The following RALGAPB variants were observed in gnomAD, a reference collection of about 807,000 sequenced individuals.
The protein encoded by RALGAPB is Ral GTPase activating protein non-catalytic subunit beta, also known as ral GTPase-activating protein subunit beta.
In RALGAPB, 25 loss-of-function variants were observed where a neutral mutation model predicts 161.1. The observed-to-expected ratio is 0.16, with a 90% confidence interval of 0.11 to 0.22. The LOEUF (loss-of-function observed/expected upper bound fraction) is 0.22, where lower values mean the gene tolerates loss of function less well. RALGAPB is among the 10% of genes least tolerant of loss of function. The pLI is 1.00. For missense variants in RALGAPB, 1,391 were observed against 1,815.2 expected (o/e 0.77, Z 4.25); for synonymous variants, 629 against 626.1 (o/e 1.00, Z -0.07).
intron 18 of RALGAPB, among the ~76,000 whole-genome samples, chr20:38,543,946 G>A (rs146177311): frequency 2.0e-5 from 3 of 152,252 alleles, no homozygotes; most frequent in African/African-American, 7.2e-5. Context: ...GCCAGTCTGG[G>A]GAGCACATTT....
intron 28 of RALGAPB, among the ~76,000 whole-genome samples, chr20:38,572,580 A>G (rs924458470): frequency 6.6e-6 from 1 of 152,192 alleles, no homozygotes; most frequent in Non-Finnish European, 1.5e-5. Flanking sequence ...ATATAAGATG[A>G]ATTTATTCTA....
At chr20:38,531,067 A>G in intron 13 of RALGAPB, 100 bp from the exon 14 acceptor site, 1 of 1,097,402 alleles carries the variant, frequency 9.1e-7, no homozygotes, top group Non-Finnish European at 1.3e-6. Flanking sequence ...TGCTCAACCA[A>G]AATTATATTC....
At chr20:38,499,894 A>G (rs527603114) in intron 5 of RALGAPB, 179 of 257,420 alleles carry the variant, frequency 7.0e-4, no homozygotes, top group African/African-American at 3.4e-3. Context: ...TATTTTGATC[A>G]TTAAAATATG....
chr20:38,492,352 A>C (rs2085304350), intron 2 of RALGAPB, among the ~76,000 whole-genome samples: 1 of 152,196 alleles, frequency 6.6e-6, no homozygotes, highest in South Asian at 2.1e-4. Context: ...AGTGCAGCTA[A>C]ATGCCTTGTT....
chr20:38,548,630 G>A, intron 19 of RALGAPB, 59 bp from the exon 20 acceptor site: 1 of 1,359,408 alleles, frequency 7.4e-7, no homozygotes, highest in Non-Finnish European at 1.0e-6. Flanking sequence ...TTGATAACAA[G>A]TTTATTTTAA....
chr20:38,480,942 G>A (rs905838210), intron 1 of RALGAPB, among the ~76,000 whole-genome samples: 9 of 150,916 alleles, frequency 6.0e-5, no homozygotes, highest in East Asian at 5.9e-4. Context: ...GGGTTTCACC[G>A]TGTTAGGATG....
rs1011822187 is a variant in RALGAPB at position 38,472,889 on chromosome 20, C to G, written c.-211C>G. 2.5e-6 allele frequency: 1 copy of G among 398,866 alleles called. No individual in the cohort carries two copies. The highest frequency in any genetic ancestry group is 4.4e-6 in the Non-Finnish European group (1 of 226,002). The allele number at this position is 398,866 out of a possible 1,614,324, so 24.7% of individuals were successfully genotyped here. On this transcript the variant is annotated 5_prime_UTR_variant, in exon 1 of 30. Coordinates refer to ENST00000262879, the MANE Select transcript of RALGAPB (RefSeq NM_020336.4). The stretch of plus-strand genomic sequence containing the variant: ...ATCCCAGCCGGCTGGCTCGAGTGGC[C>G]TTCGTCGTCCCTTGGCGCCCTGGGA...
At chr20:38,501,958 C>T (rs805539) in intron 5 of RALGAPB, among the ~76,000 whole-genome samples, 130,643 of 152,194 alleles carry the variant, frequency 0.86, 56,122 homozygotes, top group East Asian at 0.91. Context: ...CCATAAAATA[C>T]ACACAAATGT....
chr20:38,516,923 G>T (rs766461517), intron 7 of RALGAPB, among the ~76,000 whole-genome samples: 1 of 152,154 alleles, frequency 6.6e-6, no homozygotes, highest in Non-Finnish European at 1.5e-5. Flanking sequence ...AAATATTTAT[G>T]TATACTTATT....
chr20:38,553,807 A>T, intron 21 of RALGAPB, 60 bp from the exon 22 acceptor site: 1 of 819,528 alleles, frequency 1.2e-6, no homozygotes, highest in Non-Finnish European at 1.9e-6. Context: ...AAAAACACTT[A>T]AGATTGGCCT....
chr20:38,535,512 A>G (rs758155224), intron 16 of RALGAPB, among the ~76,000 whole-genome samples: 1 of 151,724 alleles, frequency 6.6e-6, no homozygotes, highest in Non-Finnish European at 1.5e-5. Flanking sequence ...GTAAAAAATG[A>G]TTATCCTAAT....
chr20:38,523,431 C>G (rs1192007547), intron 10 of RALGAPB, among the ~76,000 whole-genome samples: 1 of 152,168 alleles, frequency 6.6e-6, no homozygotes, highest in Non-Finnish European at 1.5e-5. Flanking sequence ...CATGAACTTT[C>G]TGACTGAGCC....
intron 5 of RALGAPB, among the ~76,000 whole-genome samples, chr20:38,501,188 G>GAGAGGAGTCTTCTAGAGTCTT (rs2085583153): frequency 6.6e-6 from 1 of 152,228 alleles, no homozygotes. Flanking sequence ...GACTTCTATA[G>GAGAGGAGTCTTCTAGAGTCTT]CTAGAGAGGA....
chr20:38,567,258 CA>C, intron 26 of RALGAPB, 26 bp downstream of exon 26: 1 of 1,601,396 alleles, frequency 6.2e-7, no homozygotes, highest in Non-Finnish European at 8.5e-7. Context: ...GATAGGTCTC[CA>C]AAATTTTGTA....
rs1313669591 is a variant in RALGAPB at position 38,577,356 on chromosome 20, C to A, written c.*2389C>A. ...GCACCTAATATTAATATTTAGTAGT[C>A]CATTGATAAATTTGCCAGCATATGT... On this transcript the variant is annotated 3_prime_UTR_variant, in exon 30 of 30. Transcript: ENST00000262879. 1.3e-5 allele frequency: 2 copies of A among 152,132 alleles called. No homozygotes were observed. Among genetic ancestry groups the A allele is most frequent in the African/African-American group, 4.8e-5 (2 of 41,428 alleles). The allele number at this position is 152,132 out of a possible 1,614,324, so 9.4% of individuals were successfully genotyped here.
chr20:38,492,782 C>G (rs2085315760), intron 2 of RALGAPB, 148 bp from the exon 3 acceptor site: 3 of 604,678 alleles, frequency 5.0e-6, no homozygotes, highest in Non-Finnish European at 2.8e-6. Context: ...GTGAAAAATG[C>G]ATTATCTAAA....
At chr20:38,565,152 C>G (rs953263343) in intron 24 of RALGAPB, among the ~76,000 whole-genome samples, 10 of 152,032 alleles carry the variant, frequency 6.6e-5, no homozygotes, top group African/African-American at 1.9e-4. Flanking sequence ...ACAGTCGTTT[C>G]AGAAATTATG....
At chr20:38,474,881 G>A (rs1353676990) in intron 1 of RALGAPB, among the ~76,000 whole-genome samples, 1 of 152,190 alleles carries the variant, frequency 6.6e-6, no homozygotes, top group Admixed American at 6.5e-5. Context: ...GATAGATCAT[G>A]TTGCGAACAG....
Position 38,575,298 on chromosome 20 carries a change from A to G in RALGAPB, c.*331A>G, listed in dbSNP as rs2088396561. 4.9e-6 allele frequency: 1 copy of G among 202,028 alleles called. No individual in the cohort carries two copies. The highest frequency in any genetic ancestry group is 1.1e-4 in the South Asian group (1 of 9,022). The allele number at this position is 202,028 out of a possible 1,614,324, so 12.5% of individuals were successfully genotyped here. ...ATCTCAGTTAAACACGTGCATTGGTAGTATCAACAAATTTGCAATATAGAA... is the reference window on the plus strand; with the variant it reads ...ATCTCAGTTAAACACGTGCATTGGTGGTATCAACAAATTTGCAATATAGAA... On this transcript the variant is annotated 3_prime_UTR_variant, in exon 30 of 30. Transcript: ENST00000262879.
Sources: gnomAD v4.1 joint callset for allele counts (sites outside exome capture counted in the v4.1 genomes callset) on GRCh38, gnomAD v4.1.1 for gene constraint, MANE v1.5 for transcripts, NCBI Gene and HGNC (gene_info 2026-07-23, HGNC 2026-07-21) for gene names.